BMPER: variants seen among roughly 807,000 people sequenced by gnomAD.
BMPER encodes the protein BMP binding endothelial regulator, also known as BMP-binding endothelial regulator protein.
A neutral mutation model predicts 87.3 loss-of-function variants in BMPER; 45 were observed. The ratio of observed to expected loss-of-function variants is 0.52; its 90% confidence interval spans 0.41 to 0.66. The LOEUF is 0.66. Among genes scored for constraint, BMPER ranks in the 30% least tolerant of loss-of-function variants. The pLI, the probability that BMPER is intolerant of heterozygous loss-of-function variation, is 0.00. For synonymous variants in BMPER, 326 were observed against 316.2 expected, an observed-to-expected ratio of 1.03 and a Z score of -0.33; for missense variants, 784 against 867.5, an observed-to-expected ratio of 0.90 and a Z score of 1.21.
chr7:34,016,623 T>G (rs1012287430), intron 6 of BMPER, among the ~76,000 whole-genome samples: 4 of 152,020 alleles, frequency 2.6e-5, no homozygotes, highest in African/African-American at 9.7e-5. Flanking sequence ...CTTGAATTTA[T>G]TTTAAGTGAT....
intron 6 of BMPER, among the ~76,000 whole-genome samples, chr7:34,028,883 G>A (rs1787450709): frequency 6.6e-6 from 1 of 151,764 alleles, no homozygotes; most frequent in Non-Finnish European, 1.5e-5. Flanking sequence ...TGAAGACATG[G>A]CAATTAGTAT....
chr7:33,987,386 A>G (rs1786039417), intron 6 of BMPER, among the ~76,000 whole-genome samples: 1 of 152,152 alleles, frequency 6.6e-6, no homozygotes, highest in Non-Finnish European at 1.5e-5. Context: ...CTGAACCACA[A>G]ACACACAAGG....
intron 11 of BMPER, among the ~76,000 whole-genome samples, chr7:34,074,790 G>T (rs1305116350): frequency 6.6e-6 from 1 of 152,150 alleles, no homozygotes; most frequent in African/African-American, 2.4e-5. Flanking sequence ...TTAAAGACGG[G>T]AGAAACCTTA....
chr7:34,103,068 GC>G (rs1344617548), intron 13 of BMPER, among the ~76,000 whole-genome samples: 1 of 152,160 alleles, frequency 6.6e-6, no homozygotes, highest in Non-Finnish European at 1.5e-5. Flanking sequence ...ACTGTATCTG[GC>G]ACTGAAGGAT....
At chr7:33,905,829 T>TGGGGTG in intron 1 of BMPER, 83 bp downstream of exon 1, 2 of 368,072 alleles carry the variant, frequency 5.4e-6, no homozygotes, top group East Asian at 7.3e-5. Flanking sequence ...GCCCCGGGGA[T>TGGGGTG]GGGAGGGTGG....
chr7:33,908,498 A>C (rs1278898937), intron 2 of BMPER, among the ~76,000 whole-genome samples: 3 of 152,204 alleles, frequency 2.0e-5, no homozygotes, highest in Non-Finnish European at 4.4e-5. Context: ...CCTTTCTCTG[A>C]AAGTGGAGAC....
chr7:34,093,225 CA>C (rs548776070), intron 13 of BMPER, among the ~76,000 whole-genome samples: 99 of 152,310 alleles, frequency 6.5e-4, no homozygotes, highest in African/African-American at 2.0e-3. Flanking sequence ...CTCGTGGCAT[CA>C]TGGGCTGGCA....
At chr7:34,095,744 A>AT (rs5883449) in intron 13 of BMPER, among the ~76,000 whole-genome samples, 136,378 of 151,844 alleles carry the variant, frequency 0.9, 61,326 homozygotes, top group Middle Eastern at 0.94. Flanking sequence ...TCCAGGCATG[A>AT]TTTTTTTTAG....
chr7:34,131,666 C>A (rs1281948625), intron 13 of BMPER, among the ~76,000 whole-genome samples: 1 of 152,158 alleles, frequency 6.6e-6, no homozygotes, highest in East Asian at 1.9e-4. Context: ...TTCCTCACCG[C>A]CATTTGTGAC....
chr7:34,034,013 G>A (rs892986913), intron 6 of BMPER, among the ~76,000 whole-genome samples: 1 of 152,126 alleles, frequency 6.6e-6, no homozygotes, highest in Non-Finnish European at 1.5e-5. Context: ...TCCTTCTTGA[G>A]AAAGACCTTT....
At chr7:34,037,420 C>T (rs1029002342) in intron 6 of BMPER, among the ~76,000 whole-genome samples, 4 of 152,106 alleles carry the variant, frequency 2.6e-5, no homozygotes, top group African/African-American at 9.7e-5. Flanking sequence ...CAGGCTGAGG[C>T]CTCACAGTGC....
chr7:34,073,937 C>T (rs1164293190), intron 11 of BMPER, among the ~76,000 whole-genome samples: 4 of 152,194 alleles, frequency 2.6e-5, no homozygotes, highest in African/African-American at 9.6e-5. Context: ...AGGCATGGGC[C>T]ATTGCAGGGC....
chr7:34,034,449 G>T (rs1352449078), intron 6 of BMPER, among the ~76,000 whole-genome samples: 1 of 152,160 alleles, frequency 6.6e-6, no homozygotes, highest in Non-Finnish European at 1.5e-5. Flanking sequence ...TCTGTCTGCT[G>T]TTGTGCCCTC....
At chr7:34,076,986 A>G (rs1254218819) in intron 11 of BMPER, among the ~76,000 whole-genome samples, 4 of 152,174 alleles carry the variant, frequency 2.6e-5, no homozygotes, top group Admixed American at 1.3e-4. Context: ...GGACCTGGAA[A>G]AGTCCTTCTC....
chr7:34,060,125 C>A (rs775629088), intron 10 of BMPER, among the ~76,000 whole-genome samples: 1 of 152,228 alleles, frequency 6.6e-6, no homozygotes, highest in South Asian at 2.1e-4. Flanking sequence ...CAGAGTCTTA[C>A]GGCTAATTGC....
At chr7:34,029,591 A>T (rs1245080124) in intron 6 of BMPER, among the ~76,000 whole-genome samples, 1 of 152,124 alleles carries the variant, frequency 6.6e-6, no homozygotes, top group African/African-American at 2.4e-5. Flanking sequence ...CCTGCTAAAG[A>T]GACCTACATG....
intron 14 of BMPER, among the ~76,000 whole-genome samples, chr7:34,143,660 G>A (rs941875864): frequency 9.9e-5 from 15 of 152,162 alleles, no homozygotes; most frequent in Non-Finnish European, 1.8e-4. Flanking sequence ...GCTCATGGGC[G>A]GTTATAGCTG....
At chr7:34,101,856 G>A (rs1047598869) in intron 13 of BMPER, among the ~76,000 whole-genome samples, 1 of 152,206 alleles carries the variant, frequency 6.6e-6, no homozygotes, top group Non-Finnish European at 1.5e-5. Context: ...GCTCAGGGCA[G>A]CGTACAACAG....
chr7:34,010,095 C>T (rs1249255915), intron 6 of BMPER, among the ~76,000 whole-genome samples: 2 of 151,944 alleles, frequency 1.3e-5, no homozygotes, highest in Non-Finnish European at 2.9e-5. Flanking sequence ...ACCACACTCT[C>T]CTTCAAACCT....
Sources: gnomAD v4.1 joint callset for allele counts (sites outside exome capture counted in the v4.1 genomes callset) on GRCh38, gnomAD v4.1.1 for gene constraint, MANE v1.5 for transcripts, NCBI Gene and HGNC (gene_info 2026-07-23, HGNC 2026-07-21) for gene names.